The following TRANK1 variants were observed in gnomAD, a reference collection of about 807,000 sequenced individuals.
TRANK1 encodes the protein tetratricopeptide repeat and ankyrin repeat containing 1.
TRANK1 carries 198 observed loss-of-function variants against 266.0 expected under a neutral mutation model. That is an observed-to-expected ratio of 0.74 (90% confidence interval 0.66 to 0.84). TRANK1 has a LOEUF of 0.84. Ranked by LOEUF, TRANK1 falls within the 40% of genes least tolerant of loss-of-function variation. TRANK1 has a pLI of 0.00. For synonymous variants in TRANK1, 1,396 were observed against 1,384.1 expected, an observed-to-expected ratio of 1.01 and a Z score of -0.19; for missense variants, 3,326 against 3,634.6, an observed-to-expected ratio of 0.92 and a Z score of 2.18.
intron 18 of TRANK1, among the ~76,000 whole-genome samples, chr3:36,841,240 T>C (rs2078839835): frequency 6.6e-6 from 1 of 152,222 alleles, no homozygotes; most frequent in African/African-American, 2.4e-5. Flanking sequence ...AAAACATTTG[T>C]TCCAAAGCGG....
chr3:36,831,427 A>C lies in TRANK1; in HGVS notation c.8156T>G (p.Ile2719Arg). 1 of 1,613,026 alleles carries C rather than the reference A, an allele frequency of 6.2e-7. No individual in the cohort carries two copies. Among genetic ancestry groups the C allele is most frequent in the Non-Finnish European group, 8.5e-7 (1 of 1,179,520 alleles). ...ILSQKQRKAS[I>R]QRKLRRACLV... ...GCATGCCCTCCTCAACTTCCGCTGT[A>C]TGGAGGCCTTCCGTTGCTTTTGGGA... The change falls in exon 22 of 24, where the codon ATA becomes AGA. Residue 2719 changes from isoleucine (I) to arginine (R), a missense_variant. Transcript: ENST00000645898. The surrounding 1 kb of genome is among the most constrained non-coding windows in gnomAD (Gnocchi z 5.0).
intron 5 of TRANK1, among the ~76,000 whole-genome samples, chr3:36,894,274 G>A (rs746411796): frequency 3.3e-5 from 5 of 152,192 alleles, no homozygotes; most frequent in Admixed American, 6.5e-5. Context: ...ACTGGGAAGA[G>A]AGGACAAGGT....
At chr3:36,870,141 C>T (rs2079284361) in intron 9 of TRANK1, among the ~76,000 whole-genome samples, 1 of 152,224 alleles carries the variant, frequency 6.6e-6, no homozygotes, top group Non-Finnish European at 1.5e-5. Context: ...GGAGTGGTGG[C>T]TCACGCCTAT....
In TRANK1 at chr3:36,855,363, G is replaced by A. The variant is rs879216237; in HGVS notation, c.4359C>T (p.Cys1453=). ...TQAELALLMK[C]INDPNSMFLT... ...GGAACATAGAGTTGGGGTCATTGAT[G>A]CATTTCATCAGCAGCGCCAGCTCGG... The change falls in exon 13 of 24, where the codon TGC becomes TGT. Residue 1453 remains cysteine, a synonymous_variant. Coordinates refer to ENST00000645898, the MANE Select transcript of TRANK1 (RefSeq NM_001329998.2). The A allele has an allele frequency of 1.2e-6, 2 of 1,614,046 alleles. No homozygotes were observed. The highest frequency in any genetic ancestry group is 2.2e-5 in the South Asian group (2 of 91,088).
intron 2 of TRANK1, among the ~76,000 whole-genome samples, chr3:36,907,137 G>T (rs1251798268): frequency 6.6e-6 from 1 of 152,090 alleles, no homozygotes; most frequent in African/African-American, 2.4e-5. Flanking sequence ...ACATGTAATA[G>T]ATTTACTGAT....
chr3:36,912,059 G>C (rs534341083), intron 1 of TRANK1, among the ~76,000 whole-genome samples: 1 of 152,132 alleles, frequency 6.6e-6, no homozygotes, highest in South Asian at 2.1e-4. Context: ...GCATGGTAGT[G>C]CATGCCTATA....
intron 1 of TRANK1, among the ~76,000 whole-genome samples, chr3:36,924,232 G>A (rs1553631425): frequency 1.3e-5 from 2 of 152,172 alleles, no homozygotes; most frequent in Non-Finnish European, 2.9e-5. Context: ...TGGCCGTCCA[G>A]CGTTAAGGCC....
In TRANK1 at chr3:36,831,347, G is replaced by T; in HGVS notation, c.8236C>A (p.Arg2746Ser). ...WRRRVGTQME[R>S]VREEAREPRA... is the part of the protein sequence containing the mutation. ...GGCTCCCTGGCCTCCTCCCTGACAC[G>T]CTCCATCTGGGTGCCCACTCTTCTC... The change falls in exon 22 of 24, where the codon CGT becomes AGT. Residue 2746 changes from arginine to serine, a missense_variant. Transcript: ENST00000645898. The surrounding 1 kb of genome is among the most constrained non-coding windows in gnomAD (Gnocchi z 5.0). 6.2e-7 allele frequency: 1 copy of T among 1,613,322 alleles called. No individual in the cohort carries two copies. Among genetic ancestry groups the T allele is most frequent in the Non-Finnish European group, 8.5e-7 (1 of 1,179,694 alleles).
At chr3:36,850,308 G>C in intron 15 of TRANK1, 2 of 985,398 alleles carry the variant, frequency 2.0e-6, no homozygotes, top group Non-Finnish European at 2.4e-6. Flanking sequence ...TGTACATAAG[G>C]AACAGCAATG....
At chr3:36,929,125 A>G (rs574867344) in intron 1 of TRANK1, among the ~76,000 whole-genome samples, 3 of 151,256 alleles carry the variant, frequency 2.0e-5, no homozygotes, top group Middle Eastern at 6.8e-3. Context: ...ACATTTTAAA[A>G]TACATATTTA....
In TRANK1 at chr3:36,874,258, C is replaced by T; in HGVS notation, c.946G>A (p.Ala316Thr). 3.3e-6 allele frequency: 5 copies of T among 1,537,132 alleles called. No homozygotes were observed. The highest frequency in any genetic ancestry group is 3.5e-6 in the Non-Finnish European group (4 of 1,146,872). Residue 316 changes from alanine to threonine, a missense_variant, in exon 9 of 24, where the codon GCA becomes ACA. Ala to Thr is a moderately conservative substitution (Grantham distance 58, BLOSUM62 0). Transcript: ENST00000645898. ...EDVQMLLRFG[A>T]DPTLLDRQSR... Reference sequence around the variant, plus strand: ...TGTCGATCCAGCAAAGTGGGATCTGCCCCAAAGCGCAGGAGCATCTGCACA... The same window carrying T: ...TGTCGATCCAGCAAAGTGGGATCTGTCCCAAAGCGCAGGAGCATCTGCACA...
Position 36,828,004 on chromosome 3 carries a change from A to G in TRANK1, c.*271T>C, listed in dbSNP as rs901588667. 2.5e-6 allele frequency: 1 copy of G among 396,834 alleles called. No homozygotes were observed. Among genetic ancestry groups the G allele is most frequent in the Non-Finnish European group, 4.7e-6 (1 of 212,966 alleles). 24.6% of individuals were successfully genotyped at this position (396,834 alleles called of 1,614,324 possible). Reference sequence around the variant, plus strand: ...GGACCATGCAGTGAGGAGTCCCAACATTCCCTTCGACTACAACTTCTCTAC... The same window carrying G: ...GGACCATGCAGTGAGGAGTCCCAACGTTCCCTTCGACTACAACTTCTCTAC... On this transcript the variant is annotated 3_prime_UTR_variant, in exon 24 of 24. Transcript: ENST00000645898.
chr3:36,893,461 A>C lies in TRANK1; in HGVS notation c.553-477T>G, dbSNP rs2079740544. 2.6e-5 allele frequency among the ~76,000 whole-genome samples: 4 copies of C among 152,186 alleles called. No homozygotes were observed. The South Asian group carries it at 8.3e-4, about 32-fold the overall frequency. On this transcript the variant is annotated intron_variant, in intron 5 of 23. Transcript: ENST00000645898. ...GTGCTGCAGCCGGCTCCTATCAGCT[A>C]CTGAGTTGATGATGCACATCTCCTC...
chr3:36,842,137 C>T lies in TRANK1; in HGVS notation c.5280+485G>A, dbSNP rs151331378. Among the ~76,000 whole-genome samples the T allele has an allele frequency of 4.5e-3, 687 of 152,278 alleles. 12 individuals are homozygous for T. Among genetic ancestry groups the T allele is most frequent in the East Asian group, 6.9e-3 (36 of 5,190 alleles). The stretch of plus-strand genomic sequence containing the variant: ...AGAAAACTGCTCAGGACCACTAACA[C>T]GGCTTGTAACTGGAAATTGGTCAGT... On this transcript the variant is annotated intron_variant, in intron 18 of 23. Transcript: ENST00000645898.
chr3:36,940,663 C>T (rs2080485139), intron 1 of TRANK1, among the ~76,000 whole-genome samples: 3 of 152,138 alleles, frequency 2.0e-5, no homozygotes, highest in South Asian at 2.1e-4. Context: ...GAAGTCTCTT[C>T]GAGAGCTTGT....
chr3:36,903,170 T>C lies in TRANK1; in HGVS notation c.261A>G (p.Gln87=), dbSNP rs562683939. 3.2e-4 allele frequency: 496 copies of C among 1,537,268 alleles called. 8 individuals carry two copies. In the South Asian group the frequency reaches 4.2e-3, roughly 13 times the overall value. ...EAFVAAKECL[Q]WDPTYVKGYY... is the part of the protein sequence containing the mutation. ...ATACCTTCACGTAGGTTGGATCCCATTGGAGACATTCCTTGGCAGCAACAA... is the reference window on the plus strand; with the variant it reads ...ATACCTTCACGTAGGTTGGATCCCACTGGAGACATTCCTTGGCAGCAACAA... The change falls in exon 3 of 24, where the codon CAA becomes CAG. Residue 87 remains glutamine (Q), a synonymous_variant. Coordinates refer to ENST00000645898, the MANE Select transcript of TRANK1 (RefSeq NM_001329998.2).
At chr3:36,893,137 T>C (rs927527714) in intron 5 of TRANK1, among the ~76,000 whole-genome samples, 153 bp from the exon 6 acceptor site, 1 of 152,146 alleles carries the variant, frequency 6.6e-6, no homozygotes. Flanking sequence ...GTTTTTCAGC[T>C]ATTTGCTGTG....
chr3:36,894,935 T>C (rs1452460992), intron 5 of TRANK1, among the ~76,000 whole-genome samples: 2 of 152,204 alleles, frequency 1.3e-5, no homozygotes, highest in African/African-American at 4.8e-5. Context: ...TGCCAGGTAT[T>C]ATAAAACCCC....
rs2078689742 is a variant in TRANK1, at chr3:36,831,291, C to T, written c.8292G>A (p.Val2764=). 1 of 1,613,390 alleles carries T rather than the reference C, an allele frequency of 6.2e-7. No homozygotes were observed. The highest frequency in any genetic ancestry group is 8.5e-7 in the Non-Finnish European group (1 of 1,179,880). ...CACATAGGTCACACTGGGTCCTGTC[C>T]ACGTCTGCCTTTTTGAAGTTCCCAG... The part of the protein sequence containing the change: ...PRAGNFKKAD[V]DRTQCDLCGV... The change falls in exon 22 of 24, where the codon GTG becomes GTA. Residue 2764 remains valine, a synonymous_variant. Coordinates refer to ENST00000645898, the MANE Select transcript of TRANK1 (RefSeq NM_001329998.2). This position sits in a 1 kb window ranked among gnomAD's most constrained non-coding sequence, Gnocchi z 5.0.
Sources: gnomAD v4.1 joint callset for allele counts (sites outside exome capture counted in the v4.1 genomes callset) on GRCh38, gnomAD v4.1.1 for gene constraint, Gnocchi (gnomAD v3.1) non-coding constraint, MANE v1.5 for transcripts, NCBI Gene and HGNC (gene_info 2026-07-23, HGNC 2026-07-21) for gene names.